The following LRRC4C variants were observed in gnomAD, a reference collection of about 807,000 sequenced individuals.
LRRC4C encodes leucine-rich repeat-containing protein 4C.
In LRRC4C, 5 loss-of-function variants were observed where a neutral mutation model predicts 33.6. The ratio of observed to expected loss-of-function variants is 0.15; its 90% CI spans 0.08 to 0.31. The LOEUF (loss-of-function observed/expected upper bound fraction) is 0.31, where lower values mean the gene tolerates loss of function less well. LRRC4C is among the 10% of genes least tolerant of loss of function. LRRC4C has a pLI of 1.00. For missense variants in LRRC4C, 560 were observed against 796.7 expected (o/e 0.70, Z 3.58); for synonymous variants, 329 against 302.0 (o/e 1.09, Z -0.93).
At chr11:41,411,314 A>G (rs190795376) in intron 1 of LRRC4C, among the ~76,000 whole-genome samples, 3,216 of 150,932 alleles carry the variant, frequency 0.021, 123 homozygotes, top group African/African-American at 0.075. Context: ...ACGCCCAGCT[A>G]ATTTTTTGTA....
chr11:40,420,754 C>A (rs567306609), intron 3 of LRRC4C, among the ~76,000 whole-genome samples: 2 of 152,158 alleles, frequency 1.3e-5, no homozygotes, highest in South Asian at 2.1e-4. Context: ...AGTGTTGGAG[C>A]CAGAATTTTG....
In LRRC4C at chr11:41,180,021, G is replaced by C. The variant is rs144266235; in HGVS notation, c.-495-246298C>G. Among the ~76,000 whole-genome samples, 781 of 152,250 alleles carry C rather than the reference G, an allele frequency of 5.1e-3. 5 individuals carry two copies. The highest frequency in any genetic ancestry group is 0.018 in the African/African-American group (734 of 41,542). On this transcript the variant is annotated intron_variant, in intron 1 of 6. Coordinates refer to ENST00000528697, the MANE Select transcript of LRRC4C (RefSeq NM_001258419.2). ...CCTATACAGGACTGGCGGGCATGCA[G>C]GACCTAGTAGAAGTTTCAAGAAAAA...
At chr11:40,341,795 T>G in intron 3 of LRRC4C, among the ~76,000 whole-genome samples, 1 of 152,212 alleles carries the variant, frequency 6.6e-6, no homozygotes, top group Admixed American at 6.5e-5. Flanking sequence ...TATCTCAACT[T>G]GCCTTTGACT....
chr11:40,357,648 GT>G (rs1309092909), intron 3 of LRRC4C, among the ~76,000 whole-genome samples: 5 of 151,978 alleles, frequency 3.3e-5, no homozygotes, highest in African/African-American at 9.7e-5. Context: ...ACAAATGTAT[GT>G]CTTATCAAAA....
intron 3 of LRRC4C, among the ~76,000 whole-genome samples, chr11:40,509,052 T>C (rs1216329794): frequency 6.6e-6 from 1 of 152,172 alleles, no homozygotes; most frequent in African/African-American, 2.4e-5. Flanking sequence ...GCAGATCCAT[T>C]GAACCAGCAT....
At chr11:40,172,411 A>G (rs967049816) in intron 5 of LRRC4C, among the ~76,000 whole-genome samples, 5 of 152,170 alleles carry the variant, frequency 3.3e-5, no homozygotes, top group African/African-American at 9.7e-5. Flanking sequence ...ATGGTTTTTG[A>G]AAAGTCAATC....
chr11:40,270,111 A>C (rs1369980116), intron 4 of LRRC4C, among the ~76,000 whole-genome samples: 1 of 152,074 alleles, frequency 6.6e-6, no homozygotes, highest in Non-Finnish European at 1.5e-5. Flanking sequence ...AGATAAGGGG[A>C]GAATGTATTC....
chr11:40,584,473 A>T (rs1234251546), intron 3 of LRRC4C, among the ~76,000 whole-genome samples: 5 of 151,926 alleles, frequency 3.3e-5, no homozygotes, highest in Admixed American at 3.3e-4. Flanking sequence ...TGTTAGGAGG[A>T]GGATAAAGCA....
chr11:40,471,351 C>A (rs1203460500), intron 3 of LRRC4C, among the ~76,000 whole-genome samples: 1 of 152,080 alleles, frequency 6.6e-6, no homozygotes, highest in Non-Finnish European at 1.5e-5. Context: ...ATTTTTGTCA[C>A]CACCAGGCCT....
chr11:40,337,904 T>A (rs145855707), intron 3 of LRRC4C, among the ~76,000 whole-genome samples: 1 of 152,116 alleles, frequency 6.6e-6, no homozygotes. Flanking sequence ...ATCATTTAGC[T>A]CCCACTTATA....
At chr11:40,307,258 A>G (rs1945085889) in intron 4 of LRRC4C, among the ~76,000 whole-genome samples, 1 of 152,154 alleles carries the variant, frequency 6.6e-6, no homozygotes, top group Non-Finnish European at 1.5e-5. Context: ...GGATGAGTAA[A>G]TTAGATAGTT....
At chr11:40,462,906 T>A (rs995113508) in intron 3 of LRRC4C, among the ~76,000 whole-genome samples, 2 of 152,066 alleles carry the variant, frequency 1.3e-5, no homozygotes, top group African/African-American at 4.8e-5. Context: ...GGATGAAGAA[T>A]CTACTCAAAA....
At chr11:40,468,667 C>G (rs1952774510) in intron 3 of LRRC4C, among the ~76,000 whole-genome samples, 1 of 152,076 alleles carries the variant, frequency 6.6e-6, no homozygotes, top group African/African-American at 2.4e-5. Flanking sequence ...TGTATGTGTA[C>G]ATGTGTATTT....
chr11:41,422,939 T>A (rs1376849621), intron 1 of LRRC4C, among the ~76,000 whole-genome samples: 1 of 152,096 alleles, frequency 6.6e-6, no homozygotes, highest in Non-Finnish European at 1.5e-5. Context: ...TTCTACACTA[T>A]GCCATACTGC....
chr11:40,518,443 A>G (rs1955663561), intron 3 of LRRC4C, among the ~76,000 whole-genome samples: 1 of 152,200 alleles, frequency 6.6e-6, no homozygotes, highest in Non-Finnish European at 1.5e-5. Context: ...AAAAGTGGAC[A>G]AAGGATATGA....
At chr11:40,451,042 T>G in intron 3 of LRRC4C, among the ~76,000 whole-genome samples, 1 of 151,658 alleles carries the variant, frequency 6.6e-6, no homozygotes, top group East Asian at 1.9e-4. Flanking sequence ...GATGTAACTC[T>G]CTCTATATAT....
chr11:40,352,407 C>T (rs1380820112), intron 3 of LRRC4C, among the ~76,000 whole-genome samples: 1 of 151,800 alleles, frequency 6.6e-6, no homozygotes, highest in African/African-American at 2.4e-5. Context: ...TAACTTCATC[C>T]CACTCCGCTT....
At chr11:40,348,190 A>G (rs1947223196) in intron 3 of LRRC4C, among the ~76,000 whole-genome samples, 1 of 138,930 alleles carries the variant, frequency 7.2e-6, no homozygotes, top group Non-Finnish European at 1.5e-5. Flanking sequence ...AAAATGTGAC[A>G]CAGAGACATG....
intron 3 of LRRC4C, among the ~76,000 whole-genome samples, chr11:40,361,557 A>T (rs1340841229): frequency 1.3e-5 from 2 of 152,176 alleles, no homozygotes; most frequent in Non-Finnish European, 2.9e-5. Flanking sequence ...GGGAGGTGAA[A>T]TATCTTTACA....
Sources: gnomAD v4.1 joint callset for allele counts (sites outside exome capture counted in the v4.1 genomes callset) on GRCh38, gnomAD v4.1.1 for gene constraint, MANE v1.5 for transcripts, NCBI Gene and HGNC (gene_info 2026-07-23, HGNC 2026-07-21) for gene names.